The following NRXN1 variants were observed in gnomAD, a reference collection of about 807,000 sequenced individuals.
NRXN1 encodes neurexin 1, also known as neurexin-1.
Under a neutral mutation model 150.9 loss-of-function variants are expected in NRXN1, and 39 were observed. The ratio of observed to expected loss-of-function variants is 0.26; its 90% CI spans 0.20 to 0.34. NRXN1 has a LOEUF of 0.34. Ranked by LOEUF, NRXN1 falls within the 10% of genes least tolerant of loss-of-function variation. The pLI is 1.00. For missense variants in NRXN1, 1,815 were observed against 1,949.9 expected (o/e 0.93, Z 1.30); for synonymous variants, 924 against 757.0 (o/e 1.22, Z -3.62).
At chr2:50,108,210 A>G (rs1701927486) in intron 18 of NRXN1, among the ~76,000 whole-genome samples, 1 of 152,102 alleles carries the variant, frequency 6.6e-6, no homozygotes, top group African/African-American at 2.4e-5. Flanking sequence ...GTATAAAATT[A>G]GAACTTCCTT....
intron 5 of NRXN1, among the ~76,000 whole-genome samples, chr2:50,633,918 T>C (rs1346090282): frequency 6.6e-6 from 1 of 152,020 alleles, no homozygotes; most frequent in South Asian, 2.1e-4. Flanking sequence ...TTGTTTTAGA[T>C]GATTGGGGAA....
intron 5 of NRXN1, among the ~76,000 whole-genome samples, chr2:50,698,538 A>G (rs1243528921): frequency 2.0e-5 from 3 of 152,232 alleles, no homozygotes; most frequent in Admixed American, 1.3e-4. Context: ...GCTATTTTAA[A>G]ATGAATTAAT....
At chr2:50,322,565 T>C (rs1280791814) in intron 17 of NRXN1, among the ~76,000 whole-genome samples, 1 of 152,210 alleles carries the variant, frequency 6.6e-6, no homozygotes, top group South Asian at 2.1e-4. Context: ...AGTTCTCTAA[T>C]CTATCACTAG....
chr2:50,497,295 A>C, intron 14 of NRXN1, 38 bp downstream of exon 14: 1 of 1,418,522 alleles, frequency 7.0e-7, no homozygotes, highest in Non-Finnish European at 9.2e-7. Context: ...ATTTTTCCAA[A>C]GTTTTATTTA....
At chr2:50,359,458 G>A (rs2079039766) in intron 17 of NRXN1, among the ~76,000 whole-genome samples, 1 of 151,548 alleles carries the variant, frequency 6.6e-6, no homozygotes, top group Non-Finnish European at 1.5e-5. Flanking sequence ...ACTTCGTGAA[G>A]CACACACAAG....
At chr2:50,131,146 C>A (rs1307620787) in intron 18 of NRXN1, among the ~76,000 whole-genome samples, 1 of 152,114 alleles carries the variant, frequency 6.6e-6, no homozygotes, top group Non-Finnish European at 1.5e-5. Context: ...GACAAGATTT[C>A]CAAAAATGTG....
At chr2:50,935,238 A>G (rs959148927) in intron 2 of NRXN1, among the ~76,000 whole-genome samples, 4 of 152,146 alleles carry the variant, frequency 2.6e-5, no homozygotes, top group African/African-American at 9.7e-5. Context: ...TACACCATAG[A>G]AAAATAAACC....
At chr2:50,722,625 G>T (rs1453601889) in intron 5 of NRXN1, among the ~76,000 whole-genome samples, 1 of 152,042 alleles carries the variant, frequency 6.6e-6, no homozygotes, top group East Asian at 1.9e-4. Flanking sequence ...ATATAAAAAG[G>T]TTACCATTAT....
intron 5 of NRXN1, among the ~76,000 whole-genome samples, chr2:50,737,415 T>C (rs185055837): frequency 3.3e-4 from 51 of 152,286 alleles, no homozygotes; most frequent in African/African-American, 1.1e-3. Context: ...AGATACTCTA[T>C]GGGACAGAGG....
intron 5 of NRXN1, among the ~76,000 whole-genome samples, chr2:50,653,672 T>C (rs1191280742): frequency 6.6e-6 from 1 of 152,084 alleles, no homozygotes; most frequent in Non-Finnish European, 1.5e-5. Flanking sequence ...CAAATGTACC[T>C]TGATTTAATG....
At chr2:50,819,121 C>G (rs1669345013) in intron 5 of NRXN1, among the ~76,000 whole-genome samples, 1 of 152,056 alleles carries the variant, frequency 6.6e-6, no homozygotes, top group African/African-American at 2.4e-5. Context: ...TATGGAGGTT[C>G]CTCAAACAAT....
chr2:50,011,351 T>C (rs1685630494), intron 21 of NRXN1, among the ~76,000 whole-genome samples: 1 of 152,176 alleles, frequency 6.6e-6, no homozygotes, highest in Admixed American at 6.6e-5. Context: ...ACTGTTTTAA[T>C]GACCAATTAA....
intron 17 of NRXN1, among the ~76,000 whole-genome samples, chr2:50,357,126 A>C (rs2153006135): frequency 6.6e-6 from 1 of 152,086 alleles, no homozygotes; most frequent in South Asian, 2.1e-4. Flanking sequence ...AAAATTTAAA[A>C]AAATTTTGTA....
chr2:49,957,354 A>ATAT (rs538833258), intron 21 of NRXN1, among the ~76,000 whole-genome samples: 147 of 152,282 alleles, frequency 9.7e-4, no homozygotes, highest in Non-Finnish European at 1.5e-3. Flanking sequence ...ATTATCATGA[A>ATAT]TATTTATTAC....
rs564379005 is a variant in NRXN1, at chr2:51,030,538, A to ACACC, written c.-921-1345_-921-1344insGGTG. On this transcript the variant is annotated intron_variant, in intron 1 of 22. Transcript: ENST00000401669. ...GATGACTGGTTCTCTCTCTTTCAAC[A>ACACC]CACACACACACACACACACACACAC... Among the ~76,000 whole-genome samples the ACACC allele has an allele frequency of 7.5e-4, 20 of 26,754 alleles. No homozygotes were observed. In the East Asian group the frequency reaches 0.031, roughly 41 times the overall value. The allele number at this position is 26,754 out of a possible 152,430, so 17.6% of individuals were successfully genotyped here.
intron 5 of NRXN1, among the ~76,000 whole-genome samples, chr2:50,725,842 C>A (rs1697291381): frequency 6.6e-6 from 1 of 152,022 alleles, no homozygotes; most frequent in Non-Finnish European, 1.5e-5. Context: ...CTAAGCAAAC[C>A]TCATTAATAT....
chr2:50,155,388 C>G (rs922642703), intron 18 of NRXN1, among the ~76,000 whole-genome samples: 1 of 150,676 alleles, frequency 6.6e-6, no homozygotes, highest in African/African-American at 2.4e-5. Context: ...ATACACTTCC[C>G]TATCCCTAAA....
chr2:50,423,706 T>C (rs559418792), intron 17 of NRXN1, among the ~76,000 whole-genome samples: 1 of 152,094 alleles, frequency 6.6e-6, no homozygotes, highest in South Asian at 2.1e-4. Context: ...TTGGAGGTTA[T>C]AATGGTGATG....
rs368200522 is a variant in NRXN1, at chr2:50,299,566, TTA to T, written c.3365-62598_3365-62597del. Among the ~76,000 whole-genome samples the T allele has an allele frequency of 5.1e-3, 773 of 152,288 alleles. 4 individuals carry two copies. Among genetic ancestry groups the T allele is most frequent in the Middle Eastern group, 0.017 (5 of 294 alleles). On this transcript the variant is annotated intron_variant, in intron 17 of 22. Coordinates refer to ENST00000401669, the MANE Select transcript of NRXN1 (RefSeq NM_001330078.2). Reference sequence around the variant, plus strand: ...TTAGTTTACATTTAGTAGGTCATCTTTATTGTATTAAAATTTAAGGAAATAAA... The same window carrying T: ...TTAGTTTACATTTAGTAGGTCATCTTTTGTATTAAAATTTAAGGAAATAAA...
Sources: gnomAD v4.1 joint callset for allele counts (sites outside exome capture counted in the v4.1 genomes callset) on GRCh38, gnomAD v4.1.1 for gene constraint, MANE v1.5 for transcripts, NCBI Gene and HGNC (gene_info 2026-07-23, HGNC 2026-07-21) for gene names.